The following ROBO2 variants were observed in gnomAD, a reference collection of about 807,000 sequenced individuals.
ROBO2 encodes the protein roundabout guidance receptor 2, also known as roundabout homolog 2.
In ROBO2, 53 loss-of-function variants were observed where a neutral mutation model predicts 160.8. That is an observed-to-expected ratio of 0.33 (90% CI 0.26 to 0.41). The LOEUF is 0.41. Among genes scored for constraint, ROBO2 ranks in the 10% least tolerant of loss-of-function variants. The probability of loss-of-function intolerance (pLI) is 1.00; values close to 1 mark genes in which losing one functional copy is unlikely to be tolerated. For missense variants in ROBO2, 1,577 were observed against 1,722.4 expected (o/e 0.92, Z 1.49); for synonymous variants, 664 against 611.7 (o/e 1.09, Z -1.26).
intron 2 of ROBO2, among the ~76,000 whole-genome samples, chr3:77,137,190 C>A (rs1289383570): frequency 6.6e-6 from 1 of 152,146 alleles, no homozygotes; most frequent in Non-Finnish European, 1.5e-5. Flanking sequence ...TACTTCTTAG[C>A]TTTTCTCAAG....
At chr3:77,475,485 G>T (rs183803195) in intron 2 of ROBO2, among the ~76,000 whole-genome samples, 1 of 152,258 alleles carries the variant, frequency 6.6e-6, no homozygotes, top group Non-Finnish European at 1.5e-5. Context: ...ATTTGCAATG[G>T]TATTAGGTAC....
intron 4 of ROBO2, among the ~76,000 whole-genome samples, chr3:77,491,327 A>G (rs1326453727): frequency 2.0e-5 from 3 of 152,102 alleles, no homozygotes; most frequent in South Asian, 4.1e-4. Context: ...TTGATGAATC[A>G]TTTTTCAATC....
intron 2 of ROBO2, among the ~76,000 whole-genome samples, chr3:76,391,122 CA>C (rs2077129799): frequency 6.6e-6 from 1 of 151,812 alleles, no homozygotes; most frequent in African/African-American, 2.4e-5. Context: ...ATATTATTAT[CA>C]TTAACAGTAT....
At chr3:76,903,286 T>C (rs554314218) in intron 2 of ROBO2, among the ~76,000 whole-genome samples, 1 of 152,240 alleles carries the variant, frequency 6.6e-6, no homozygotes, top group East Asian at 1.9e-4. Flanking sequence ...GTTATATTGG[T>C]TTGACAAAAT....
intron 2 of ROBO2, among the ~76,000 whole-genome samples, chr3:76,051,779 C>T (rs9852570): frequency 0.19 from 29,455 of 151,924 alleles, 3,383 homozygotes; most frequent in African/African-American, 0.32. Flanking sequence ...TGTGACAAAA[C>T]ATGACAAATT....
intron 2 of ROBO2, among the ~76,000 whole-genome samples, chr3:76,898,050 G>A (rs1177520516): frequency 6.6e-6 from 1 of 152,064 alleles, no homozygotes. Context: ...AAGGGTCTGA[G>A]TGGAAATGGG....
At chr3:76,886,409 C>T (rs919827268) in intron 2 of ROBO2, among the ~76,000 whole-genome samples, 1 of 146,908 alleles carries the variant, frequency 6.8e-6, no homozygotes, top group African/African-American at 2.5e-5. Context: ...AAAAAAAAAA[C>T]AACCTTTCTG....
intron 2 of ROBO2, among the ~76,000 whole-genome samples, chr3:76,468,662 G>A (rs2078485373): frequency 6.6e-6 from 1 of 151,946 alleles, no homozygotes; most frequent in Non-Finnish European, 1.5e-5. Flanking sequence ...AACACTTGTT[G>A]TGTAGATAAC....
At chr3:77,127,335 G>A (rs2075434194) in intron 2 of ROBO2, among the ~76,000 whole-genome samples, 1 of 152,058 alleles carries the variant, frequency 6.6e-6, no homozygotes, top group African/African-American at 2.4e-5. Flanking sequence ...CCTCTCTCCT[G>A]TCTCAGCATT....
chr3:77,570,020 A>C (rs1476460882), intron 13 of ROBO2, among the ~76,000 whole-genome samples: 1 of 151,928 alleles, frequency 6.6e-6, no homozygotes, highest in Non-Finnish European at 1.5e-5. Context: ...ACAGTGGCAC[A>C]GTAGGGGGTA....
chr3:77,629,176 G>A (rs948037076), intron 23 of ROBO2: 22 of 152,162 alleles, frequency 1.4e-4, no homozygotes, highest in Admixed American at 7.9e-4. Flanking sequence ...GGAAATGCTC[G>A]GATGAAGAAC....
At chr3:77,581,461 G>A (rs1230486037) in intron 16 of ROBO2, among the ~76,000 whole-genome samples, 2 of 151,942 alleles carry the variant, frequency 1.3e-5, no homozygotes, top group African/African-American at 4.8e-5. Context: ...TTCATCTGAT[G>A]GTAACTGCAA....
At chr3:77,373,448 T>A (rs1336675172) in intron 2 of ROBO2, among the ~76,000 whole-genome samples, 8 of 152,084 alleles carry the variant, frequency 5.3e-5, no homozygotes, top group Admixed American at 5.2e-4. Flanking sequence ...CTATCTAATT[T>A]GCTTAGTTTT....
At chr3:77,388,079 AT>A (rs1250291508) in intron 2 of ROBO2, among the ~76,000 whole-genome samples, 1 of 151,946 alleles carries the variant, frequency 6.6e-6, no homozygotes, top group East Asian at 1.9e-4. Flanking sequence ...TTTGTAGCAA[AT>A]TTAGTTATAC....
intron 2 of ROBO2, among the ~76,000 whole-genome samples, chr3:76,361,989 A>C (rs1047815684): frequency 2.0e-5 from 3 of 152,144 alleles, no homozygotes; most frequent in African/African-American, 7.2e-5. Flanking sequence ...ATTATCTTTT[A>C]AAGTCTTGGA....
intron 2 of ROBO2, among the ~76,000 whole-genome samples, chr3:77,171,888 T>TA (rs1485251970): frequency 6.6e-6 from 1 of 152,192 alleles, no homozygotes; most frequent in Admixed American, 6.5e-5. Context: ...GAGAAACTAA[T>TA]ACCTAAATTA....
At chr3:76,491,322 C>T (rs539143518) in intron 2 of ROBO2, among the ~76,000 whole-genome samples, 76 of 152,256 alleles carry the variant, frequency 5.0e-4, no homozygotes, top group African/African-American at 1.8e-3. Context: ...TCCCTTATCC[C>T]ATTCCATGCT....
chr3:76,912,530 C>T (rs1367397954), intron 2 of ROBO2, among the ~76,000 whole-genome samples: 2 of 152,124 alleles, frequency 1.3e-5, no homozygotes, highest in African/African-American at 2.4e-5. Context: ...ACTTTATCAG[C>T]ATGTAATAAT....
intron 2 of ROBO2, among the ~76,000 whole-genome samples, chr3:76,866,628 T>G (rs527802382): frequency 1.3e-5 from 2 of 152,190 alleles, no homozygotes; most frequent in Non-Finnish European, 1.5e-5. Context: ...AGTTAATCTA[T>G]CTCATCTATA....
Sources: allele counts gnomAD v4.1 joint callset (sites outside exome capture counted in the v4.1 genomes callset), GRCh38; gene constraint gnomAD v4.1.1; transcripts MANE v1.5; gene names NCBI Gene and HGNC (gene_info 2026-07-23, HGNC 2026-07-21).